Variants in SOS2 observed in about 807,000 individuals in gnomAD.
The protein encoded by SOS2 is son of sevenless homolog 2.
Under a neutral mutation model 148.2 loss-of-function variants are expected in SOS2, and 65 were observed. That is an observed-to-expected ratio of 0.44 (90% confidence interval 0.36 to 0.54). The LOEUF is 0.54. Among genes scored for constraint, SOS2 ranks in the 20% least tolerant of loss-of-function variants. The probability of loss-of-function intolerance (pLI) is 0.00; values close to 1 mark genes in which losing one functional copy is unlikely to be tolerated. For missense variants in SOS2, 1,341 were observed against 1,590.2 expected, an observed-to-expected ratio of 0.84 and a Z score of 2.67; for synonymous variants, 539 against 537.1, an observed-to-expected ratio of 1.00 and a Z score of -0.05.
At chr14:50,215,244 G>A in intron 1 of SOS2, 2 of 426,492 alleles carry the variant, frequency 4.7e-6, no homozygotes, top group Non-Finnish European at 7.7e-6. Context: ...TTCTTTTTCT[G>A]TGATTATGAT....
chr14:50,213,464 A>C (rs1027607807), intron 1 of SOS2, among the ~76,000 whole-genome samples: 5 of 152,140 alleles, frequency 3.3e-5, no homozygotes, highest in African/African-American at 1.2e-4. Context: ...TTGGGAGGCC[A>C]AGGTGGGGGT....
At chr14:50,164,926 G>C (rs1885122985) in intron 8 of SOS2, among the ~76,000 whole-genome samples, 1 of 152,064 alleles carries the variant, frequency 6.6e-6, no homozygotes, top group African/African-American at 2.4e-5. Context: ...TTAACATTTT[G>C]TCACATGCTT....
intron 8 of SOS2, among the ~76,000 whole-genome samples, chr14:50,171,736 GATAA>G (rs1401613068): frequency 6.7e-6 from 1 of 149,752 alleles, no homozygotes; most frequent in African/African-American, 2.5e-5. Flanking sequence ...CAGATGAATG[GATAA>G]ATAAAATATG....
At chr14:50,214,837 T>C (rs1463507198) in intron 1 of SOS2, among the ~76,000 whole-genome samples, 2 of 149,776 alleles carry the variant, frequency 1.3e-5, no homozygotes, top group African/African-American at 4.9e-5. Context: ...TTTCTTTCTT[T>C]CTTTTTTTTT....
At chr14:50,215,483 C>A in intron 1 of SOS2, 1 of 1,240,952 alleles carries the variant, frequency 8.1e-7, no homozygotes, top group East Asian at 5.9e-5. Flanking sequence ...ATTTGCCTAT[C>A]ATATTTTTTG....
intron 21 of SOS2, among the ~76,000 whole-genome samples, chr14:50,123,457 C>T (rs1351225877): frequency 1.4e-5 from 2 of 143,750 alleles, no homozygotes; most frequent in African/African-American, 2.6e-5. Flanking sequence ...TCTCAGCTCA[C>T]TGCAACCTCC....
At chr14:50,177,594 C>T (rs1304169624) in intron 7 of SOS2, among the ~76,000 whole-genome samples, 1 of 151,764 alleles carries the variant, frequency 6.6e-6, no homozygotes, top group Non-Finnish European at 1.5e-5. Flanking sequence ...GTGTTGAGTG[C>T]TTTTAATGAG....
At position 50,200,758 on chromosome 14, in the gene SOS2, GCAATC is replaced by G. The variant is rs369149666; in HGVS notation, c.345+190_345+194del. Among the ~76,000 whole-genome samples, 76 of 151,848 alleles carry G rather than the reference GCAATC, an allele frequency of 5.0e-4. 2 individuals are homozygous for G. The East Asian group carries it at 0.013, about 26-fold the overall frequency. On this transcript the variant is annotated intron_variant, in intron 3 of 22. Transcript: ENST00000216373. The stretch of plus-strand genomic sequence containing the variant: ...AATAATTTTTAATATTGTTTGAAAA[GCAATC>G]CAATTTCACCAGAGCATAATCATTT...
intron 5 of SOS2, among the ~76,000 whole-genome samples, chr14:50,185,111 C>A (rs1249879281): frequency 6.6e-6 from 1 of 152,058 alleles, no homozygotes; most frequent in Non-Finnish European, 1.5e-5. Context: ...GCTGTTCGAC[C>A]AAATTAATGG....
intron 1 of SOS2, among the ~76,000 whole-genome samples, chr14:50,224,304 A>AAAAAAAAT (rs1243000778): frequency 1.6e-5 from 1 of 62,670 alleles, no homozygotes; most frequent in Non-Finnish European, 3.0e-5. Context: ...AAAAAAAAAA[A>AAAAAAAAT]ATATATATAT....
rs58933204 is a variant in SOS2, at chr14:50,194,453, ATTTTTTTTTTTT to A, written c.510+5226_510+5237del. On this transcript the variant is annotated intron_variant, in intron 4 of 22. Transcript: ENST00000216373. ...CTCATTTCTTATATAATCCCTTTCA[ATTTTTTTTTTTT>A]TTTTTTTTTTTTTTTAAGATGGAGT... Among the ~76,000 whole-genome samples the A allele has an allele frequency of 8.1e-5, 8 of 98,734 alleles. No individual in the cohort carries two copies. The East Asian group carries it at 9.2e-4, about 11-fold the overall frequency. The allele number at this position is 98,734 out of a possible 152,430, so 64.8% of individuals were successfully genotyped here. A position where few individuals can be genotyped will look rare whatever the true frequency, so the allele number is the denominator to read the frequency against.
chr14:50,140,497 A>G (rs1884234525), intron 16 of SOS2, among the ~76,000 whole-genome samples: 1 of 152,226 alleles, frequency 6.6e-6, no homozygotes, highest in Non-Finnish European at 1.5e-5. Context: ...GAAGTAAACT[A>G]GCATTTCTTT....
At chr14:50,228,387 T>C (rs1481809807) in intron 1 of SOS2, among the ~76,000 whole-genome samples, 1 of 152,156 alleles carries the variant, frequency 6.6e-6, no homozygotes, top group Non-Finnish European at 1.5e-5. Context: ...ACCCAAAGCC[T>C]ACTCTTTTAT....
At chr14:50,216,004 A>AT (rs1326131441) in intron 1 of SOS2, among the ~76,000 whole-genome samples, 3 of 152,270 alleles carry the variant, frequency 2.0e-5, no homozygotes, top group Admixed American at 2.0e-4. Context: ...CAAATTCTTC[A>AT]TTGTGCTGCC....
intron 1 of SOS2, among the ~76,000 whole-genome samples, chr14:50,224,598 A>T (rs1483242709): frequency 6.6e-6 from 1 of 152,150 alleles, no homozygotes; most frequent in Non-Finnish European, 1.5e-5. Flanking sequence ...TGTAAGAAGT[A>T]GTTTTTGGCA....
At chr14:50,141,595 A>C (rs1309979715) in intron 16 of SOS2, among the ~76,000 whole-genome samples, 1 of 152,188 alleles carries the variant, frequency 6.6e-6, no homozygotes, top group East Asian at 1.9e-4. Flanking sequence ...CAAAACAAAA[A>C]AAACCCCACA....
chr14:50,133,411 G>A (rs950260402), intron 19 of SOS2, among the ~76,000 whole-genome samples: 4 of 151,848 alleles, frequency 2.6e-5, no homozygotes. Flanking sequence ...TGTTGCCCAA[G>A]CTGGTCTCAA....
intron 1 of SOS2, among the ~76,000 whole-genome samples, chr14:50,219,042 A>C (rs1887121772): frequency 6.6e-6 from 1 of 151,892 alleles, no homozygotes; most frequent in African/African-American, 2.4e-5. Context: ...GAACCCGGGA[A>C]GCGGAGGTTG....
At chr14:50,142,269 A>G (rs1594967644) in intron 16 of SOS2, among the ~76,000 whole-genome samples, 2 of 152,114 alleles carry the variant, frequency 1.3e-5, no homozygotes, top group East Asian at 1.9e-4. Flanking sequence ...CAGCCTCCCA[A>G]AGTGTTGGGA....
Sources: gnomAD v4.1 joint callset for allele counts (sites outside exome capture counted in the v4.1 genomes callset) on GRCh38, gnomAD v4.1.1 for gene constraint, MANE v1.5 for transcripts, NCBI Gene and HGNC (gene_info 2026-07-23, HGNC 2026-07-21) for gene names.